PAPPA: variants seen among roughly 807,000 people sequenced by gnomAD.
PAPPA encodes pappalysin-1.
Under a neutral mutation model 164.0 loss-of-function variants are expected in PAPPA, and 60 were observed. The ratio of observed to expected loss-of-function variants is 0.37; its 90% confidence interval spans 0.30 to 0.45. The LOEUF (loss-of-function observed/expected upper bound fraction) is 0.45, where lower values mean the gene tolerates loss of function less well. PAPPA is among the 20% of genes least tolerant of loss of function. The pLI is 1.00. For missense variants in PAPPA, 1,782 were observed against 2,087.3 expected, an observed-to-expected ratio of 0.85 and a Z score of 2.85; for synonymous variants, 875 against 814.1, an observed-to-expected ratio of 1.07 and a Z score of -1.27.
At chr9:116,226,075 G>A (rs879480640) in intron 5 of PAPPA, among the ~76,000 whole-genome samples, 11 of 152,286 alleles carry the variant, frequency 7.2e-5, no homozygotes, top group Admixed American at 6.5e-4. Flanking sequence ...CATCAGCCAA[G>A]TGAAAAAAGT....
At chr9:116,233,373 C>A in intron 6 of PAPPA, among the ~76,000 whole-genome samples, 1 of 152,160 alleles carries the variant, frequency 6.6e-6, no homozygotes, top group Non-Finnish European at 1.5e-5. Flanking sequence ...GTGTCAACAT[C>A]CCACAAAGTT....
intron 8 of PAPPA, among the ~76,000 whole-genome samples, chr9:116,269,488 G>A (rs1845113141): frequency 6.6e-6 from 1 of 152,174 alleles, no homozygotes; most frequent in Non-Finnish European, 1.5e-5. Flanking sequence ...TCTTATAAGG[G>A]GCTCTCAAGT....
intron 9 of PAPPA, among the ~76,000 whole-genome samples, chr9:116,295,701 T>C (rs547008642): frequency 6.6e-6 from 1 of 152,336 alleles, no homozygotes; most frequent in Non-Finnish European, 1.5e-5. Context: ...CAGGATTTAC[T>C]GCATTCCCTT....
chr9:116,312,663 A>C (rs1845735250), intron 10 of PAPPA, among the ~76,000 whole-genome samples: 1 of 152,048 alleles, frequency 6.6e-6, no homozygotes. Context: ...TTTGTCTTTC[A>C]AGTCCCCTCG....
intron 9 of PAPPA, among the ~76,000 whole-genome samples, chr9:116,300,852 A>AT (rs11362350): frequency 1.3e-4 from 19 of 151,036 alleles, no homozygotes; most frequent in Admixed American, 5.3e-4. Flanking sequence ...AAAGAAGAGT[A>AT]TTTTTTTTTT....
chr9:116,289,071 A>G (rs1268717334), intron 9 of PAPPA, among the ~76,000 whole-genome samples: 2 of 149,074 alleles, frequency 1.3e-5, no homozygotes, highest in Admixed American at 6.7e-5. Context: ...ATGCCCTATC[A>G]GAATGACGGG....
chr9:116,313,946 A>T (rs183587391), intron 10 of PAPPA, among the ~76,000 whole-genome samples: 7 of 151,934 alleles, frequency 4.6e-5, no homozygotes, highest in African/African-American at 1.7e-4. Context: ...AAATTAAATA[A>T]TTAAGGGGAG....
At chr9:116,381,222 A>G (rs1008474488) in intron 20 of PAPPA, among the ~76,000 whole-genome samples, 1 of 152,214 alleles carries the variant, frequency 6.6e-6, no homozygotes, top group Non-Finnish European at 1.5e-5. Context: ...TAACCATCCC[A>G]TTGGCTGAGG....
chr9:116,252,901 C>A (rs111359035), intron 7 of PAPPA, among the ~76,000 whole-genome samples: 274 of 152,290 alleles, frequency 1.8e-3, no homozygotes, highest in African/African-American at 6.3e-3. Context: ...GAGCACTATA[C>A]TTATCACTCA....
intron 1 of PAPPA, among the ~76,000 whole-genome samples, chr9:116,174,138 T>A (rs1843804028): frequency 6.6e-6 from 1 of 152,180 alleles, no homozygotes; most frequent in African/African-American, 2.4e-5. Context: ...TTACCTGAGT[T>A]ATCTATGCAA....
chr9:116,159,778 T>G (rs1843646218), intron 1 of PAPPA, among the ~76,000 whole-genome samples: 1 of 152,040 alleles, frequency 6.6e-6, no homozygotes, highest in African/African-American at 2.4e-5. Flanking sequence ...AAAATCAAGG[T>G]CCAGAGATAT....
rs567369746 is a variant in PAPPA at position 116,310,681 on chromosome 9, T to C, written c.3147+7731T>C. On this transcript the variant is annotated intron_variant, in intron 10 of 21. Transcript: ENST00000328252. ...TATTCATCCTTTGGTCATTTACCCTTTCAATATCTGTTCAAATCTACAAAA... is the reference window on the plus strand; with the variant it reads ...TATTCATCCTTTGGTCATTTACCCTCTCAATATCTGTTCAAATCTACAAAA... Among the ~76,000 whole-genome samples, 5 of 152,272 alleles carry C rather than the reference T, an allele frequency of 3.3e-5. No homozygotes were observed. In the East Asian group the frequency reaches 9.7e-4, roughly 29 times the overall value.
At chr9:116,231,668 TGG>T (rs1844594420) in intron 6 of PAPPA, among the ~76,000 whole-genome samples, 1 of 10,924 alleles carries the variant, frequency 9.2e-5, no homozygotes, top group African/African-American at 6.7e-4. Context: ...GGCGGATGGA[TGG>T]ATGGATGGAT....
intron 2 of PAPPA, among the ~76,000 whole-genome samples, chr9:116,192,271 A>G (rs537868895): frequency 6.6e-6 from 1 of 152,282 alleles, no homozygotes; most frequent in South Asian, 2.1e-4. Context: ...GAGCCTAGAG[A>G]CAGCCAGCCC....
At chr9:116,193,159 A>G (rs914400061) in intron 2 of PAPPA, among the ~76,000 whole-genome samples, 7 of 151,896 alleles carry the variant, frequency 4.6e-5, no homozygotes, top group African/African-American at 1.7e-4. Flanking sequence ...GAATGTAACA[A>G]GGACAATCCC....
chr9:116,390,321 T>C (rs1846873845), intron 21 of PAPPA, among the ~76,000 whole-genome samples: 1 of 152,132 alleles, frequency 6.6e-6, no homozygotes, highest in African/African-American at 2.4e-5. Flanking sequence ...AGGGTATCTT[T>C]GGCGAGAGGA....
intron 5 of PAPPA, among the ~76,000 whole-genome samples, chr9:116,225,745 C>T (rs561110111): frequency 3.3e-5 from 5 of 152,056 alleles, no homozygotes; most frequent in African/African-American, 4.8e-5. Flanking sequence ...AATGCAAAAC[C>T]TACAATTTGA....
At chr9:116,247,437 C>T (rs1259786397) in intron 7 of PAPPA, among the ~76,000 whole-genome samples, 2 of 152,052 alleles carry the variant, frequency 1.3e-5, no homozygotes, top group Non-Finnish European at 1.5e-5. Context: ...ATATGACTAG[C>T]GTTACTGAGG....
intron 9 of PAPPA, among the ~76,000 whole-genome samples, chr9:116,293,761 C>A (rs1247473859): frequency 1.3e-5 from 2 of 152,084 alleles, no homozygotes; most frequent in Non-Finnish European, 2.9e-5. Flanking sequence ...TCGAGACCAG[C>A]CTGACCAATG....
Sources: gnomAD v4.1 joint callset for allele counts (sites outside exome capture counted in the v4.1 genomes callset) on GRCh38, gnomAD v4.1.1 for gene constraint, MANE v1.5 for transcripts, NCBI Gene and HGNC (gene_info 2026-07-23, HGNC 2026-07-21) for gene names.